Variants in STAG1 observed in about 807,000 individuals in gnomAD.
The protein encoded by STAG1 is STAG1 cohesin complex component.
Under a neutral mutation model 170.9 loss-of-function variants are expected in STAG1, and 26 were observed. The observed-to-expected ratio is 0.15, with a 90% CI of 0.11 to 0.21. The LOEUF is 0.21. STAG1 is among the 10% of genes least tolerant of loss of function. STAG1 has a pLI of 1.00. For missense variants in STAG1, 964 were observed against 1,509.5 expected (o/e 0.64, Z 5.99); for synonymous variants, 514 against 497.7 (o/e 1.03, Z -0.44).
intron 1 of STAG1, among the ~76,000 whole-genome samples, chr3:136,650,756 AT>A (rs1240012876): frequency 6.6e-6 from 1 of 152,146 alleles, no homozygotes; most frequent in East Asian, 1.9e-4. Flanking sequence ...CTGTGAGGAG[AT>A]ATTATGGGAC....
At chr3:136,359,675 G>A (rs541423658) in intron 26 of STAG1, among the ~76,000 whole-genome samples, 8 of 152,142 alleles carry the variant, frequency 5.3e-5, no homozygotes, top group African/African-American at 9.7e-5. Context: ...GATAATAGGC[G>A]TGTACCACCA....
At chr3:136,677,515 AG>A (rs1463549763) in intron 1 of STAG1, among the ~76,000 whole-genome samples, 1 of 152,206 alleles carries the variant, frequency 6.6e-6, no homozygotes, top group Non-Finnish European at 1.5e-5. Context: ...GCCAGCATTC[AG>A]GTTAGAACCT....
At position 136,338,210 on chromosome 3, in the gene STAG1, G is replaced by A; in HGVS notation, c.*44C>T. ...AGCTATCACAGTATATAGGCCTCTA[G>A]CTCTAAATAATAGAGTTCCAGATTT... is the stretch of plus-strand genomic sequence containing the variant. On this transcript the variant is annotated 3_prime_UTR_variant, in exon 34 of 34. Coordinates refer to ENST00000383202, the MANE Select transcript of STAG1 (RefSeq NM_005862.3). The A allele has an allele frequency of 1.4e-6, 2 of 1,422,748 alleles. No homozygotes were observed. The highest frequency in any genetic ancestry group is 2.0e-6 in the Non-Finnish European group (2 of 1,010,138). The allele number at this position is 1,422,748 out of a possible 1,614,324, so 88.1% of individuals were successfully genotyped here. A position where few individuals can be genotyped will look rare whatever the true frequency, so the allele number is the denominator to read the frequency against.
intron 22 of STAG1, 100 bp from the exon 23 acceptor site, chr3:136,377,852 C>A (rs1466436979): frequency 3.3e-6 from 3 of 916,908 alleles, no homozygotes; most frequent in Non-Finnish European, 5.2e-6. Context: ...GGTTTATTCT[C>A]AAGGAAATTC....
intron 1 of STAG1, among the ~76,000 whole-genome samples, chr3:136,641,837 G>A (rs1241915708): frequency 1.3e-5 from 2 of 152,264 alleles, no homozygotes; most frequent in East Asian, 3.9e-4. Flanking sequence ...TTGGCAGTTG[G>A]GGAAGCTAGG....
chr3:136,354,754 C>CAAAAAAAAAAAAAAAAAAAAAAAAAAA lies in STAG1; in HGVS notation c.3065+2965_3065+2966insTTTTTTTTTTTTTTTTTTTTTTTTTTT. ...AAGAAGGCAGTAAAGGAGAAAGAACCAAAAAAAAAAAAAACCAAAAAACAA... is the reference window on the plus strand; with the variant it reads ...AAGAAGGCAGTAAAGGAGAAAGAACCAAAAAAAAAAAAAAAAAAAAAAAAAAAAAAAAAAAAAAAAACCAAAAAACAA... On this transcript the variant is annotated intron_variant, in intron 28 of 33. Coordinates refer to ENST00000383202, the MANE Select transcript of STAG1 (RefSeq NM_005862.3). 1.2e-3 allele frequency among the ~76,000 whole-genome samples: 8 copies of CAAAAAAAAAAAAAAAAAAAAAAAAAAA among 6,506 alleles called. 1 individual carries two copies. Among genetic ancestry groups the CAAAAAAAAAAAAAAAAAAAAAAAAAAA allele is most frequent in the East Asian group, 5.4e-3 (1 of 186 alleles). The allele number at this position is 6,506 out of a possible 152,430, so 4.3% of individuals were successfully genotyped here. A position where few individuals can be genotyped will look rare whatever the true frequency, so the allele number is the denominator to read the frequency against.
Position 136,359,180 on chromosome 3 carries a change from A to C in STAG1, c.2904T>G (p.Ile968Met). The C allele has an allele frequency of 6.2e-7, 1 of 1,613,380 alleles. No homozygotes were observed. The highest frequency in any genetic ancestry group is 8.5e-7 in the Non-Finnish European group (1 of 1,179,642). ...RFALTFGLDQ[I>M]KTREAVATLH... The stretch of plus-strand genomic sequence containing the variant: ...GTGTGGCAACTGCTTCTCGTGTCTT[A>C]ATCTGGTCCAATCCAAATGTAAGGG... The change falls in exon 27 of 34, where the codon ATT becomes ATG. Residue 968 changes from isoleucine to methionine, a missense_variant. Coordinates refer to ENST00000383202, the MANE Select transcript of STAG1 (RefSeq NM_005862.3).
At chr3:136,361,823 G>A (rs112172904) in intron 26 of STAG1, among the ~76,000 whole-genome samples, 11,702 of 152,148 alleles carry the variant, frequency 0.077, 475 homozygotes, top group Non-Finnish European at 0.094. Flanking sequence ...TGTTGCCCAG[G>A]CTGGTCTTGA....
At chr3:136,385,397 G>A (rs1258221030) in intron 22 of STAG1, among the ~76,000 whole-genome samples, 2 of 152,172 alleles carry the variant, frequency 1.3e-5, no homozygotes. Context: ...CCATGACCGT[G>A]CCACTGCACT....
chr3:136,586,955 G>A, intron 4 of STAG1: 1 of 453,614 alleles, frequency 2.2e-6, no homozygotes, highest in Non-Finnish European at 4.4e-6. Flanking sequence ...AGAAAATGGA[G>A]GGGCTTAGAT....
intron 23 of STAG1, among the ~76,000 whole-genome samples, chr3:136,369,916 G>T (rs1235857362): frequency 6.6e-6 from 1 of 152,096 alleles, no homozygotes; most frequent in Non-Finnish European, 1.5e-5. Context: ...TTACTCACGA[G>T]TTTGTTGTGA....
chr3:136,644,495 T>G (rs1940924456), intron 1 of STAG1, among the ~76,000 whole-genome samples: 1 of 152,174 alleles, frequency 6.6e-6, no homozygotes, highest in Non-Finnish European at 1.5e-5. Flanking sequence ...AAGCTCACTC[T>G]CATCAATGAG....
chr3:136,713,734 A>G (rs995868300), intron 1 of STAG1, among the ~76,000 whole-genome samples: 8 of 152,254 alleles, frequency 5.3e-5, no homozygotes, highest in East Asian at 1.9e-4. Context: ...CAAAAAATTT[A>G]TAACTTGGCT....
At chr3:136,386,491 G>A (rs889631716) in intron 22 of STAG1, among the ~76,000 whole-genome samples, 47 of 152,252 alleles carry the variant, frequency 3.1e-4, no homozygotes, top group Admixed American at 2.3e-3. Flanking sequence ...GCTCAAATTT[G>A]ACATCTTAGG....
At chr3:136,507,540 AT>A (rs1161036372) in intron 7 of STAG1, among the ~76,000 whole-genome samples, 2 of 151,288 alleles carry the variant, frequency 1.3e-5, no homozygotes, top group Non-Finnish European at 2.9e-5. Context: ...TAAAAAAAAA[AT>A]TTTTTTGTAG....
In STAG1 at chr3:136,719,708, T is replaced by C. The variant is rs1170365576; in HGVS notation, c.-84+32487A>G. Among the ~76,000 whole-genome samples, 6 of 149,734 alleles carry C rather than the reference T, an allele frequency of 4.0e-5. No individual in the cohort carries two copies. In the East Asian group the frequency reaches 8.0e-4, roughly 20 times the overall value. On this transcript the variant is annotated intron_variant, in intron 1 of 33. Coordinates refer to ENST00000383202, the MANE Select transcript of STAG1 (RefSeq NM_005862.3). ...GTGGGTGGATGGATGGATGGATGGA[T>C]CGATCTCAAAAAAGTAACTTGCTCC...
chr3:136,690,385 C>T (rs1427951278), intron 1 of STAG1, among the ~76,000 whole-genome samples: 4 of 152,148 alleles, frequency 2.6e-5, no homozygotes, highest in African/African-American at 4.8e-5. Flanking sequence ...TACAGGCCCA[C>T]GCCACCATGC....
intron 8 of STAG1, among the ~76,000 whole-genome samples, chr3:136,500,857 A>T (rs1933428507): frequency 6.6e-6 from 1 of 152,244 alleles, no homozygotes; most frequent in South Asian, 2.1e-4. Flanking sequence ...TATGGCAAAG[A>T]TACAAATTTC....
In STAG1 at chr3:136,351,181, AT is replaced by A. The variant is rs147731696; in HGVS notation, c.3066-1819del. 9.6e-4 allele frequency among the ~76,000 whole-genome samples: 139 copies of A among 144,320 alleles called. 1 individual carries two copies. The highest frequency in any genetic ancestry group is 3.6e-3 in the Middle Eastern group (1 of 274). 94.7% of individuals were successfully genotyped at this position (144,320 alleles called of 152,430 possible). ...GCCTACCAAATCCTCCACTGTGCTT[AT>A]TTTTTTTTTTTCATCACAGCATTGG... On this transcript the variant is annotated intron_variant, in intron 28 of 33. Coordinates refer to ENST00000383202, the MANE Select transcript of STAG1 (RefSeq NM_005862.3).
Sources: gnomAD v4.1 joint callset for allele counts (sites outside exome capture counted in the v4.1 genomes callset) on GRCh38, gnomAD v4.1.1 for gene constraint, MANE v1.5 for transcripts, NCBI Gene and HGNC (gene_info 2026-07-23, HGNC 2026-07-21) for gene names.